Variants in DIPK1C observed in about 807,000 individuals in gnomAD.
DIPK1C encodes the protein divergent protein kinase domain 1C.
In DIPK1C, 33 loss-of-function variants were observed where a neutral mutation model predicts 28.0. That is an observed-to-expected ratio of 1.18 (90% CI 0.89 to 1.58). The LOEUF is 1.58. DIPK1C is among the 40% of genes most tolerant of loss of function. The pLI, the probability that DIPK1C is intolerant of heterozygous loss-of-function variation, is 0.00. For missense variants in DIPK1C, 569 were observed against 568.5 expected, an observed-to-expected ratio of 1.00 and a Z score of -0.01; for synonymous variants, 255 against 248.8, an observed-to-expected ratio of 1.02 and a Z score of -0.23.
At chr18:74,436,814 C>G in intron 3 of DIPK1C, 95 bp from the exon 4 acceptor site, 3 of 1,177,088 alleles carry the variant, frequency 2.5e-6, no homozygotes, top group East Asian at 2.6e-5. Flanking sequence ...ATTTCAGCTT[C>G]TCTCCCACCC....
At chr18:74,445,429 C>A (rs897939628) in intron 2 of DIPK1C, among the ~76,000 whole-genome samples, 1 of 152,216 alleles carries the variant, frequency 6.6e-6, no homozygotes, top group East Asian at 1.9e-4. Context: ...GGCATTAGGA[C>A]AAAGCACTGA....
chr18:74,457,004 G>T (rs1166462753), intron 1 of DIPK1C, 58 bp downstream of exon 1: 4 of 1,353,980 alleles, frequency 3.0e-6, no homozygotes, highest in Non-Finnish European at 3.8e-6. Flanking sequence ...GACCGGGAGC[G>T]GGTGTGATCC....
upstream of DIPK1C, among the ~76,000 whole-genome samples, chr18:74,460,676 C>T (rs149750889): frequency 3.3e-5 from 5 of 152,318 alleles, no homozygotes; most frequent in East Asian, 1.9e-4. Flanking sequence ...GATACAGCCT[C>T]GGCCATACTG....
chr18:74,441,359 G>C (rs1986119713), intron 3 of DIPK1C, among the ~76,000 whole-genome samples: 1 of 152,166 alleles, frequency 6.6e-6, no homozygotes, highest in Non-Finnish European at 1.5e-5. Flanking sequence ...TCAAGTGAGG[G>C]CAGAAGGAGA....
intron 2 of DIPK1C, among the ~76,000 whole-genome samples, chr18:74,445,318 C>G (rs184629137): frequency 6.6e-6 from 1 of 152,300 alleles, no homozygotes; most frequent in African/African-American, 2.4e-5. Flanking sequence ...GCCAGCCCAG[C>G]ACACAGACCT....
At chr18:74,464,587 A>T in the DIPK1C span, among the ~76,000 whole-genome samples, 1 of 152,240 alleles carries the variant, frequency 6.6e-6, no homozygotes, top group South Asian at 2.1e-4. Flanking sequence ...CATGCTGTGA[A>T]TTTGGATAAA....
In DIPK1C at chr18:74,447,290, GGAA is replaced by G; in HGVS notation, c.199-10_199-8del. On this transcript the variant is annotated splice_region_variant and splice_polypyrimidine_tract_variant and intron_variant, in intron 1 of 3. Coordinates refer to ENST00000343998, the MANE Select transcript of DIPK1C (RefSeq NM_001044369.3). This position sits in a 1 kb window ranked among gnomAD's most constrained non-coding sequence, Gnocchi z 4.1. ...CGCCCTGGTAGTCCTGGCACTGGAA[GGAA>G]GGGAACAGTCGGTCACCATGGGGAG... 6.6e-7 allele frequency: 1 copy of G among 1,520,504 alleles called. No individual in the cohort carries two copies. The highest frequency in any genetic ancestry group is 8.8e-7 in the Non-Finnish European group (1 of 1,131,032). 94.2% of individuals were successfully genotyped at this position (1,520,504 alleles called of 1,614,324 possible).
the DIPK1C span, among the ~76,000 whole-genome samples, chr18:74,464,149 C>G: frequency 6.6e-6 from 1 of 152,172 alleles, no homozygotes; most frequent in Non-Finnish European, 1.5e-5. Flanking sequence ...GAAGACTGCA[C>G]TATTGCATAG....
In DIPK1C at chr18:74,457,091, C is replaced by A. The variant is rs1046441759; in HGVS notation, c.169G>T (p.Glu57Ter). 2.4e-5 allele frequency: 36 copies of A among 1,469,422 alleles called. No homozygotes were observed. The highest frequency in any genetic ancestry group is 3.2e-5 in the Non-Finnish European group (36 of 1,119,094). 91.0% of individuals were successfully genotyped at this position (1,469,422 alleles called of 1,614,324 possible). A position where few individuals can be genotyped will look rare whatever the true frequency, so the allele number is the denominator to read the frequency against. The change falls in exon 1 of 4, where the codon GAG (glutamate) becomes TAG (stop). Residue 57 changes from glutamate to a stop codon, truncating the protein, a stop_gained. Coordinates refer to ENST00000343998, the MANE Select transcript of DIPK1C (RefSeq NM_001044369.3). LOFTEE classifies it high-confidence loss of function. ...GCGGCCAGGATGCGCCGGCTCTTCT[C>A]GTCGGTGCAGCGCTCGGAGAGGACA... is the stretch of plus-strand genomic sequence containing the variant. ...PGVLSERCTD[E>*]KSRRILAALC...
Position 74,446,937 on chromosome 18 carries a change from C to G in DIPK1C, c.545G>C (p.Gly182Ala), listed in dbSNP as rs1350823925. The G allele has an allele frequency of 6.0e-6, 9 of 1,502,286 alleles. No homozygotes were observed. The highest frequency in any genetic ancestry group is 8.0e-6 in the Non-Finnish European group (9 of 1,120,702). 93.1% of individuals were successfully genotyped at this position (1,502,286 alleles called of 1,614,324 possible). Residue 182 changes from glycine to alanine, a missense_variant, in exon 2 of 4, where the codon GGA (glycine) becomes GCA (alanine). Physicochemically the swap from Gly to Ala is moderately conservative, Grantham distance 60 (BLOSUM62 0). Transcript: ENST00000343998. ...WPGRRGPRWR[G>A]QLASLWALLQ... Reference sequence around the variant, plus strand: ...CAGGGCCCACAGGCTGGCCAGCTGTCCCCGCCAGCGTGGGCCCCGCCTGCC... The same window carrying G: ...CAGGGCCCACAGGCTGGCCAGCTGTGCCCGCCAGCGTGGGCCCCGCCTGCC...
At chr18:74,453,471 C>T (rs1986442091) in intron 1 of DIPK1C, among the ~76,000 whole-genome samples, 1 of 152,178 alleles carries the variant, frequency 6.6e-6, no homozygotes. Flanking sequence ...GGATATGAGC[C>T]CTGGATGCTG....
intron 3 of DIPK1C, among the ~76,000 whole-genome samples, chr18:74,439,999 C>T (rs1986083709): frequency 6.9e-6 from 1 of 145,882 alleles, no homozygotes; most frequent in Admixed American, 7.0e-5. Flanking sequence ...GGCTGGAGTG[C>T]AGTGATGCAA....
At chr18:74,462,211 C>G (rs1986628129), upstream of DIPK1C, among the ~76,000 whole-genome samples, 1 of 152,248 alleles carries the variant, frequency 6.6e-6, no homozygotes, top group South Asian at 2.1e-4. Flanking sequence ...ACGTCTCTAT[C>G]ATCCAGGAAG....
Position 74,442,030 on chromosome 18 carries a change from G to T in DIPK1C, c.963C>A (p.Cys321Ter). ...ATCTTGAAAAACAGTCAAAGAAATT[G>T]CAGTCTTCATCTCCTGTGCAGTTTT... ...LEQNCTGDED[C>*]NFFDCFSRCD... The change falls in exon 3 of 4, where the codon TGC (cysteine) becomes TGA (stop). Residue 321 changes from cysteine (C) to a stop codon, truncating the protein, a stop_gained. Transcript: ENST00000343998. LOFTEE classifies it high-confidence loss of function. The T allele has an allele frequency of 6.2e-7, 1 of 1,614,150 alleles. No individual in the cohort carries two copies. The highest frequency in any genetic ancestry group is 8.5e-7 in the Non-Finnish European group (1 of 1,180,018).
intron 1 of DIPK1C, among the ~76,000 whole-genome samples, chr18:74,455,759 C>A (rs796120472): frequency 6.8e-4 from 93 of 136,034 alleles, no homozygotes; most frequent in African/African-American, 2.1e-3. Flanking sequence ...AAAAAAAAAA[C>A]CAAACCAACA....
At chr18:74,440,687 C>A (rs1423706978) in intron 3 of DIPK1C, among the ~76,000 whole-genome samples, 2 of 152,160 alleles carry the variant, frequency 1.3e-5, no homozygotes, top group African/African-American at 2.4e-5. Context: ...CGGTAAGAGC[C>A]CTTTCTACAG....
upstream of DIPK1C, among the ~76,000 whole-genome samples, chr18:74,458,128 C>T (rs886180156): frequency 6.6e-5 from 10 of 152,150 alleles, no homozygotes; most frequent in African/African-American, 2.4e-4. Context: ...ACAGGGCGTC[C>T]CTGGTTCTCA....
upstream of DIPK1C, among the ~76,000 whole-genome samples, chr18:74,461,155 T>C (rs1986610201): frequency 6.6e-6 from 1 of 152,172 alleles, no homozygotes; most frequent in African/African-American, 2.4e-5. Flanking sequence ...GTCATTTTTC[T>C]TTTTCTCCTG....
Position 74,436,219 on chromosome 18 carries a change from TAA to T in DIPK1C, c.*280_*281del. ...AGGTACAAGTGCTCTCTGCAGAGAA[TAA>T]GTGCACACAGGTTGGTGTCTTCTGA... On this transcript the variant is annotated 3_prime_UTR_variant, in exon 4 of 4. Coordinates refer to ENST00000343998, the MANE Select transcript of DIPK1C (RefSeq NM_001044369.3). 2.2e-6 allele frequency: 1 copy of T among 460,808 alleles called. No homozygotes were observed. Among genetic ancestry groups the T allele is most frequent in the Non-Finnish European group, 3.9e-6 (1 of 259,026 alleles). 28.5% of individuals were successfully genotyped at this position (460,808 alleles called of 1,614,324 possible).
Sources: gnomAD v4.1 joint callset for allele counts (sites outside exome capture counted in the v4.1 genomes callset) on GRCh38, gnomAD v4.1.1 for gene constraint, Gnocchi (gnomAD v3.1) non-coding constraint, MANE v1.5 for transcripts, NCBI Gene and HGNC (gene_info 2026-07-23, HGNC 2026-07-21) for gene names.